Variants in SPIN1 observed in about 807,000 individuals in gnomAD.
SPIN1 encodes spindlin 1.
Under a neutral mutation model 26.0 loss-of-function variants are expected in SPIN1, and 3 were observed. That is an observed-to-expected ratio of 0.12 (90% CI 0.05 to 0.30). SPIN1 has a LOEUF of 0.30. SPIN1 is among the 10% of genes least tolerant of loss of function. The pLI is 1.00. For synonymous variants in SPIN1, 101 were observed against 116.5 expected, an observed-to-expected ratio of 0.87 and a Z score of 0.86; for missense variants, 126 against 333.4, an observed-to-expected ratio of 0.38 and a Z score of 4.84.
intron 3 of SPIN1, among the ~76,000 whole-genome samples, chr9:88,459,830 G>A (rs540199051): frequency 2.6e-5 from 4 of 152,172 alleles, no homozygotes; most frequent in African/African-American, 7.2e-5. Context: ...TTTTGTTTGC[G>A]GCCTTTATAC....
intron 2 of SPIN1, among the ~76,000 whole-genome samples, chr9:88,428,082 A>C (rs1479941261): frequency 2.6e-5 from 4 of 151,852 alleles, no homozygotes; most frequent in African/African-American, 9.7e-5. Context: ...GACTGGTGAA[A>C]CCTCCCAGGT....
chr9:88,439,698 T>C (rs1429006373), intron 2 of SPIN1, among the ~76,000 whole-genome samples: 2 of 152,202 alleles, frequency 1.3e-5, no homozygotes, highest in Non-Finnish European at 2.9e-5. Context: ...TGTTTTGTTT[T>C]CTTGGAGAGT....
At chr9:88,448,134 C>T (rs1828287605) in intron 2 of SPIN1, among the ~76,000 whole-genome samples, 1 of 151,730 alleles carries the variant, frequency 6.6e-6, no homozygotes, top group Admixed American at 6.6e-5. Context: ...ACCTCCACCT[C>T]CTGGGTTTAA....
intron 1 of SPIN1, 32 bp downstream of exon 1, chr9:88,388,570 G>A (rs1306291518): frequency 6.7e-6 from 1 of 148,742 alleles, no homozygotes; most frequent in East Asian, 1.9e-4. Flanking sequence ...CGTGGGTCGT[G>A]AGGGAGTGCG....
intron 1 of SPIN1, among the ~76,000 whole-genome samples, chr9:88,422,731 T>C (rs1009818096): frequency 6.6e-6 from 1 of 151,408 alleles, no homozygotes; most frequent in Non-Finnish European, 1.5e-5. Context: ...TTTTTTGAAA[T>C]GAAGTCTTGC....
chr9:88,432,699 G>C (rs1190459658), intron 2 of SPIN1, among the ~76,000 whole-genome samples: 1 of 152,010 alleles, frequency 6.6e-6, no homozygotes, highest in Non-Finnish European at 1.5e-5. Flanking sequence ...ATGTTGGCCA[G>C]GCTGGTCTCG....
At chr9:88,462,781 A>G in intron 4 of SPIN1, 32 bp downstream of exon 4, 2 of 1,554,332 alleles carry the variant, frequency 1.3e-6, no homozygotes, top group Non-Finnish European at 1.7e-6. Flanking sequence ...TGCATTATAT[A>G]CTTTAAAAAT....
At chr9:88,436,496 T>C (rs932183842) in intron 2 of SPIN1, among the ~76,000 whole-genome samples, 8 of 152,160 alleles carry the variant, frequency 5.3e-5, no homozygotes, top group African/African-American at 1.9e-4. Context: ...GAACCTTCTT[T>C]GACATGTCAT....
At chr9:88,457,949 A>G (rs1327915352) in intron 3 of SPIN1, 1 of 985,290 alleles carries the variant, frequency 1.0e-6, no homozygotes, top group Non-Finnish European at 1.2e-6. Context: ...TCAGCAATGC[A>G]GTAGAATTAG....
chr9:88,392,586 C>A (rs1243188685), intron 1 of SPIN1, among the ~76,000 whole-genome samples: 2 of 151,940 alleles, frequency 1.3e-5, no homozygotes, highest in African/African-American at 4.8e-5. Context: ...CTCTCCTCTC[C>A]TCTCTTCTCC....
chr9:88,416,076 C>A (rs1210809973), intron 1 of SPIN1, among the ~76,000 whole-genome samples: 9 of 151,970 alleles, frequency 5.9e-5, no homozygotes, highest in Non-Finnish European at 1.3e-4. Flanking sequence ...TTAATAAATT[C>A]TTGTAGTTAC....
Position 88,459,498 on chromosome 9 carries a change from CTT to C in SPIN1, c.102-2996_102-2995del, listed in dbSNP as rs975235178. ...ACTGTGAACAATACTGAATTTAGCT[CTT>C]TGTCATCTCCTTTCTCTCTACAATC... On this transcript the variant is annotated intron_variant, in intron 3 of 5. Coordinates refer to ENST00000375859, the MANE Select transcript of SPIN1 (RefSeq NM_006717.3). Among the ~76,000 whole-genome samples the C allele has an allele frequency of 2.0e-5, 3 of 152,156 alleles. 1 individual carries two copies. The highest frequency in any genetic ancestry group is 6.8e-3 in the Middle Eastern group (2 of 294).
rs757565862 is a variant in SPIN1, at chr9:88,405,536, CT to C, written c.-159+17018del. Among the ~76,000 whole-genome samples, 679 of 110,716 alleles carry C rather than the reference CT, an allele frequency of 6.1e-3. 2 individuals are homozygous for C. The highest frequency in any genetic ancestry group is 7.6e-3 in the Non-Finnish European group (433 of 57,328). The allele number at this position is 110,716 out of a possible 152,430, so 72.6% of individuals were successfully genotyped here. A position where few individuals can be genotyped will look rare whatever the true frequency, so the allele number is the denominator to read the frequency against. ...GCCACAGTGCCTGGCCTGTACTATC[CT>C]TTTTTTTTTTTTTTTTTTTCCCTGA... On this transcript the variant is annotated intron_variant, in intron 1 of 5. Transcript: ENST00000375859.
In SPIN1 at chr9:88,472,083, G is replaced by A. The variant is rs371703828; in HGVS notation, c.590-2995G>A. On this transcript the variant is annotated intron_variant, in intron 5 of 5. Transcript: ENST00000375859. ...CAAAGTGCTGGGATTACAGGTGTAA[G>A]CCACTGCACCCCGGCCCCTCCTTTC... Among the ~76,000 whole-genome samples the A allele has an allele frequency of 2.2e-4, 34 of 152,244 alleles. 1 individual carries two copies. The East Asian group carries it at 5.6e-3, about 25-fold the overall frequency.
intron 2 of SPIN1, among the ~76,000 whole-genome samples, chr9:88,440,524 A>G (rs1378145095): frequency 1.3e-5 from 2 of 152,020 alleles, no homozygotes; most frequent in African/African-American, 2.4e-5. Context: ...AAGTAATCCA[A>G]GTCTACTTTC....
intron 2 of SPIN1, among the ~76,000 whole-genome samples, chr9:88,447,148 T>C (rs1283995061): frequency 6.6e-6 from 1 of 152,226 alleles, no homozygotes; most frequent in Non-Finnish European, 1.5e-5. Flanking sequence ...TTTGTATTGC[T>C]GTGTGTCAAG....
chr9:88,460,292 G>A (rs181035382), intron 3 of SPIN1, among the ~76,000 whole-genome samples: 1 of 152,010 alleles, frequency 6.6e-6, no homozygotes, highest in Non-Finnish European at 1.5e-5. Flanking sequence ...TGCTCCCGTG[G>A]TGTCTGTTTC....
intron 1 of SPIN1, among the ~76,000 whole-genome samples, chr9:88,395,987 C>T (rs180732094): frequency 6.6e-6 from 1 of 152,002 alleles, no homozygotes; most frequent in Admixed American, 6.6e-5. Flanking sequence ...GCAGAGACTG[C>T]AGTGAGCTGA....
At chr9:88,451,656 G>A (rs1429758398) in intron 3 of SPIN1, among the ~76,000 whole-genome samples, 1 of 152,192 alleles carries the variant, frequency 6.6e-6, no homozygotes, top group Non-Finnish European at 1.5e-5. Flanking sequence ...CACCTCCTGG[G>A]TTCAACTGGT....
Sources: allele counts gnomAD v4.1 joint callset (sites outside exome capture counted in the v4.1 genomes callset), GRCh38; gene constraint gnomAD v4.1.1; transcripts MANE v1.5; gene names NCBI Gene and HGNC (gene_info 2026-07-23, HGNC 2026-07-21).